USO1: variants seen among roughly 807,000 people sequenced by gnomAD.
The protein encoded by USO1 is general vesicular transport factor p115.
USO1 carries 57 observed loss-of-function variants against 124.5 expected under a neutral mutation model. That is an observed-to-expected ratio of 0.46 (90% CI 0.37 to 0.57). USO1 has a LOEUF of 0.57. USO1 is among the 20% of genes least tolerant of loss of function. The probability of loss-of-function intolerance (pLI) is 0.00; values close to 1 mark genes in which losing one functional copy is unlikely to be tolerated. For missense variants in USO1, 900 were observed against 1,040.6 expected (o/e 0.86, Z 1.86); for synonymous variants, 369 against 362.8 (o/e 1.02, Z -0.19).
chr4:75,771,289 G>A (rs1721921235), intron 7 of USO1, among the ~76,000 whole-genome samples, 152 bp downstream of exon 7: 1 of 152,012 alleles, frequency 6.6e-6, no homozygotes, highest in Admixed American at 6.6e-5. Context: ...AACAGAGATG[G>A]GGGTCTCTCT....
chr4:75,797,695 G>A (rs373696197), intron 13 of USO1, among the ~76,000 whole-genome samples: 28 of 151,752 alleles, frequency 1.8e-4, no homozygotes, highest in African/African-American at 6.5e-4. Flanking sequence ...AGACTGGAGC[G>A]CAGTGTTGTG....
intron 1 of USO1, among the ~76,000 whole-genome samples, chr4:75,729,344 G>A (rs948621799): frequency 2.0e-5 from 3 of 150,616 alleles, no homozygotes; most frequent in Non-Finnish European, 4.4e-5. Context: ...CCTTTTTTTT[G>A]GGTAGGGGGG....
At chr4:75,780,600 A>G (rs993139201) in intron 8 of USO1, among the ~76,000 whole-genome samples, 2 of 148,224 alleles carry the variant, frequency 1.3e-5, no homozygotes, top group African/African-American at 5.0e-5. Flanking sequence ...TGTTAACACA[A>G]CATGCATTTT....
At chr4:75,792,348 C>T (rs1007950366) in intron 12 of USO1, among the ~76,000 whole-genome samples, 2 of 152,060 alleles carry the variant, frequency 1.3e-5, no homozygotes, top group Non-Finnish European at 2.9e-5. Context: ...ACCAGCCTGG[C>T]GAACATGGTG....
chr4:75,770,789 A>G (rs908301735), intron 5 of USO1, 33 bp from the exon 6 acceptor site: 3 of 1,582,628 alleles, frequency 1.9e-6, no homozygotes, highest in African/African-American at 2.8e-5. Context: ...TGTGAATTAC[A>G]GATGTTAAAT....
intron 12 of USO1, 63 bp from the exon 13 acceptor site, chr4:75,793,627 A>AT: frequency 6.5e-7 from 1 of 1,539,788 alleles, no homozygotes; most frequent in Non-Finnish European, 8.8e-7. Context: ...AAAACAATTT[A>AT]TTTAAAATTT....
intron 8 of USO1, among the ~76,000 whole-genome samples, chr4:75,775,213 T>G (rs1421392588): frequency 6.6e-6 from 1 of 152,150 alleles, no homozygotes; most frequent in Non-Finnish European, 1.5e-5. Flanking sequence ...GGAGAGCTAG[T>G]TAATTATTGT....
chr4:75,813,307 C>T lies in USO1; in HGVS notation c.*12C>T. The stretch of plus-strand genomic sequence containing the variant: ...TAGATCATATCTAGTTTTCAAATCT[C>T]TAGGAACAATAGAGATTATATCATA... On this transcript the variant is annotated 3_prime_UTR_variant, in exon 24 of 24. Coordinates refer to ENST00000514213, the MANE Select transcript of USO1 (RefSeq NM_003715.4). The T allele has an allele frequency of 1.3e-6, 2 of 1,586,584 alleles. No individual in the cohort carries two copies. Among genetic ancestry groups the T allele is most frequent in the Non-Finnish European group, 1.7e-6 (2 of 1,170,970 alleles).
chr4:75,777,199 T>C (rs1465235268), intron 8 of USO1, among the ~76,000 whole-genome samples: 2 of 152,172 alleles, frequency 1.3e-5, no homozygotes, highest in African/African-American at 4.8e-5. Context: ...TTCAGCAAAA[T>C]AACTGTTTTC....
chr4:75,806,671 G>A (rs1015560681), intron 20 of USO1, 99 bp downstream of exon 20: 5 of 1,422,630 alleles, frequency 3.5e-6, no homozygotes, highest in Admixed American at 5.9e-5. Flanking sequence ...ATTAGCAGAT[G>A]TAAGTAAAAT....
intron 3 of USO1, among the ~76,000 whole-genome samples, chr4:75,753,379 C>A (rs1216411904): frequency 8.7e-6 from 1 of 114,328 alleles, no homozygotes; most frequent in Non-Finnish European, 1.6e-5. Flanking sequence ...CTAAAAATAA[C>A]AAAAATTAGC....
rs544471676 is a variant in USO1 at position 75,771,999 on chromosome 4, C to G, written c.555+862C>G. On this transcript the variant is annotated intron_variant, in intron 7 of 23. Coordinates refer to ENST00000514213, the MANE Select transcript of USO1 (RefSeq NM_003715.4). ...AGTGTTCTTTGTTAGCCATGTCTTACTCATCTTTTTATTTATGGTATTGGC... is the reference window on the plus strand; with the variant it reads ...AGTGTTCTTTGTTAGCCATGTCTTAGTCATCTTTTTATTTATGGTATTGGC... Among the ~76,000 whole-genome samples, 4 of 152,268 alleles carry G rather than the reference C, an allele frequency of 2.6e-5. No homozygotes were observed. In the South Asian group the frequency reaches 8.3e-4, roughly 32 times the overall value.
intron 1 of USO1, among the ~76,000 whole-genome samples, chr4:75,738,831 G>T (rs918330983): frequency 4.6e-5 from 7 of 151,622 alleles, no homozygotes; most frequent in African/African-American, 1.7e-4. Flanking sequence ...GACCTGACTG[G>T]CCAAGTGTTT....
At position 75,774,361 on chromosome 4, in the gene USO1, CTT is replaced by C. The variant is rs537133098; in HGVS notation, c.556-313_556-312del. Among the ~76,000 whole-genome samples, 6 of 152,258 alleles carry C rather than the reference CTT, an allele frequency of 3.9e-5. No individual in the cohort carries two copies. In the South Asian group the frequency reaches 1.0e-3, roughly 26 times the overall value. ...GAGACAGATACTTTCATGCTCAACT[CTT>C]TAGCTGCAACGAAAGCTATGTAGTG... is the stretch of plus-strand genomic sequence containing the variant. On this transcript the variant is annotated intron_variant, in intron 7 of 23. Coordinates refer to ENST00000514213, the MANE Select transcript of USO1 (RefSeq NM_003715.4).
intron 13 of USO1, among the ~76,000 whole-genome samples, chr4:75,796,346 T>TTTTTTTTTTTTTTTC: frequency 7.2e-6 from 1 of 138,878 alleles, no homozygotes; most frequent in Admixed American, 7.5e-5. Context: ...ATGCTCTTTT[T>TTTTTTTTTTTTTTTC]TTTTTTTGAG....
At chr4:75,757,375 A>T (rs540813097) in intron 3 of USO1, 122 bp from the exon 4 acceptor site, 30 of 867,380 alleles carry the variant, frequency 3.5e-5, no homozygotes, top group Non-Finnish European at 4.4e-5. Context: ...TTGCACTCTG[A>T]TATTTTCTTA....
intron 7 of USO1, among the ~76,000 whole-genome samples, chr4:75,773,271 T>G (rs1241466652): frequency 6.6e-6 from 1 of 152,186 alleles, no homozygotes; most frequent in Admixed American, 6.5e-5. Context: ...AAGTTCTGTT[T>G]TTGTTGTAAT....
chr4:75,728,654 A>C (rs1039797149), intron 1 of USO1, among the ~76,000 whole-genome samples: 10 of 152,218 alleles, frequency 6.6e-5, no homozygotes, highest in African/African-American at 2.4e-4. Flanking sequence ...CTGTCTCAAA[A>C]AGAAAGATGT....
chr4:75,773,570 A>G (rs1330248922), intron 7 of USO1, among the ~76,000 whole-genome samples: 1 of 151,988 alleles, frequency 6.6e-6, no homozygotes, highest in Admixed American at 6.6e-5. Flanking sequence ...GTTTTTGGGG[A>G]ACAGTGTTTG....
Sources: allele counts gnomAD v4.1 joint callset (sites outside exome capture counted in the v4.1 genomes callset), GRCh38; gene constraint gnomAD v4.1.1; transcripts MANE v1.5; gene names NCBI Gene and HGNC (gene_info 2026-07-23, HGNC 2026-07-21).